LAMA2: variants seen among roughly 807,000 people sequenced by gnomAD.
LAMA2 encodes laminin subunit alpha 2.
LAMA2 carries 269 observed loss-of-function variants against 364.8 expected under a neutral mutation model. The observed-to-expected ratio is 0.74, with a 90% CI of 0.67 to 0.82. The LOEUF (loss-of-function observed/expected upper bound fraction) is 0.82, where lower values mean the gene tolerates loss of function less well. LAMA2 is among the 40% of genes least tolerant of loss of function. The probability of loss-of-function intolerance (pLI) is 0.00; values close to 1 mark genes in which losing one functional copy is unlikely to be tolerated. For synonymous variants in LAMA2, 1,379 were observed against 1,370.6 expected, an observed-to-expected ratio of 1.01 and a Z score of -0.14; for missense variants, 3,807 against 3,873.2, an observed-to-expected ratio of 0.98 and a Z score of 0.45.
intron 4 of LAMA2, among the ~76,000 whole-genome samples, chr6:129,135,014 G>T (rs182392597): frequency 6.6e-6 from 1 of 152,110 alleles, no homozygotes; most frequent in African/African-American, 2.4e-5. Context: ...CCTGGGCACC[G>T]TCGGATCCCA....
intron 1 of LAMA2, among the ~76,000 whole-genome samples, chr6:128,971,526 G>A (rs1001290775): frequency 1.3e-5 from 2 of 152,148 alleles, no homozygotes; most frequent in African/African-American, 4.8e-5. Context: ...GGGTTTGGAG[G>A]ATGCATTGGT....
chr6:129,322,650 G>T (rs1044250087), intron 28 of LAMA2, among the ~76,000 whole-genome samples: 3 of 152,112 alleles, frequency 2.0e-5, no homozygotes, highest in African/African-American at 4.8e-5. Flanking sequence ...AAGTAGTCAA[G>T]GTTGACCTTT....
At chr6:129,232,807 A>G (rs1222844677) in intron 12 of LAMA2, among the ~76,000 whole-genome samples, 1 of 152,198 alleles carries the variant, frequency 6.6e-6, no homozygotes, top group Non-Finnish European at 1.5e-5. Context: ...GAATCCAGTC[A>G]CATGAGACCT....
chr6:129,102,618 T>C (rs1372473055), intron 4 of LAMA2, among the ~76,000 whole-genome samples: 1 of 152,210 alleles, frequency 6.6e-6, no homozygotes, highest in Non-Finnish European at 1.5e-5. Flanking sequence ...TATGGCCTTT[T>C]TGGATATATT....
intron 33 of LAMA2, 122 bp downstream of exon 33, chr6:129,366,483 G>A (rs1777786542): frequency 9.3e-7 from 1 of 1,080,142 alleles, no homozygotes; most frequent in Admixed American, 2.0e-5. Flanking sequence ...CAACTGTTAG[G>A]GAAATTCAGA....
At chr6:129,213,492 C>T (rs1041575887) in intron 12 of LAMA2, among the ~76,000 whole-genome samples, 1 of 152,182 alleles carries the variant, frequency 6.6e-6, no homozygotes, top group Non-Finnish European at 1.5e-5. Flanking sequence ...GCATTCTCAC[C>T]AGCAATGAAC....
rs755515196 is a variant in LAMA2, at chr6:129,154,509, C to T, written c.1032C>T (p.Cys344=). ...ATTTATTTTTCCTTAATGCAGCATGCAATTGTCATGGAAAAGCTGAAGAAT... is the reference window on the plus strand; with the variant it reads ...ATTTATTTTTCCTTAATGCAGCATGTAATTGTCATGGAAAAGCTGAAGAAT... ...TFLTKTECEA[C]NCHGKAEECY... is the part of the protein sequence containing the mutation. The change falls in exon 8 of 65, where the codon TGC becomes TGT. Residue 344 remains cysteine (C), a synonymous_variant. Coordinates refer to ENST00000421865, the MANE Select transcript of LAMA2 (RefSeq NM_000426.4). The T allele has an allele frequency of 4.3e-6, 7 of 1,611,430 alleles. No individual in the cohort carries two copies. Among genetic ancestry groups the T allele is most frequent in the Non-Finnish European group, 5.9e-6 (7 of 1,177,670 alleles).
Position 129,252,077 on chromosome 6 carries a change from C to A in LAMA2, c.1885-7C>A. 1 of 1,602,610 alleles carries A rather than the reference C, an allele frequency of 6.2e-7. No homozygotes were observed. Among genetic ancestry groups the A allele is most frequent in the South Asian group, 1.1e-5 (1 of 90,820 alleles). On this transcript the variant is annotated splice_polypyrimidine_tract_variant and splice_region_variant and intron_variant, in intron 13 of 64. Coordinates refer to ENST00000421865, the MANE Select transcript of LAMA2 (RefSeq NM_000426.4). ...CTCTTTTTTATTTCTTTTTTTTCCC[C>A]CTTTAGGGTAATGACTTGAGCATCA...
At chr6:128,965,829 T>G (rs910379181) in intron 1 of LAMA2, among the ~76,000 whole-genome samples, 3 of 152,018 alleles carry the variant, frequency 2.0e-5, no homozygotes, top group African/African-American at 2.4e-5. Flanking sequence ...CTTTAAATCC[T>G]GCTTGAGTCA....
chr6:129,050,056 G>GA lies in LAMA2; in HGVS notation c.253dup (p.Ile85AsnfsTer20), dbSNP rs1248727589. 1 of 1,614,036 alleles carries GA rather than the reference G, an allele frequency of 6.2e-7. No individual in the cohort carries two copies. The highest frequency in any genetic ancestry group is 8.5e-7 in the Non-Finnish European group (1 of 1,180,036). The stretch of plus-strand genomic sequence containing the variant: ...CAGCCTGTGAGGAACCCGCAGTGTC[G>GA]AATCTGCAATCAAAACAGCAGCAAT... On this transcript the variant is annotated frameshift_variant, in exon 2 of 65. Coordinates refer to ENST00000421865, the MANE Select transcript of LAMA2 (RefSeq NM_000426.4). LOFTEE classifies it high-confidence loss of function.
chr6:129,264,776 A>G (rs1787387250), intron 15 of LAMA2, among the ~76,000 whole-genome samples: 1 of 152,172 alleles, frequency 6.6e-6, no homozygotes, highest in Non-Finnish European at 1.5e-5. Context: ...GTTGGATAAA[A>G]TGCAATTGCA....
At chr6:128,920,430 A>G (rs1778624648) in intron 1 of LAMA2, among the ~76,000 whole-genome samples, 1 of 152,070 alleles carries the variant, frequency 6.6e-6, no homozygotes, top group South Asian at 2.1e-4. Context: ...TGCTGGGATT[A>G]CAGGCGTGAG....
chr6:128,952,456 T>C (rs1209369999), intron 1 of LAMA2, among the ~76,000 whole-genome samples: 1 of 152,112 alleles, frequency 6.6e-6, no homozygotes, highest in Non-Finnish European at 1.5e-5. Flanking sequence ...TTTGGTAAGA[T>C]ATAATTTCAG....
At chr6:129,392,335 C>G (rs140856025) in intron 36 of LAMA2, among the ~76,000 whole-genome samples, 1 of 152,224 alleles carries the variant, frequency 6.6e-6, no homozygotes, top group Admixed American at 6.5e-5. Context: ...TATCAGCACA[C>G]CAGAGAACTT....
At chr6:128,947,792 G>T (rs965584768) in intron 1 of LAMA2, among the ~76,000 whole-genome samples, 1 of 152,074 alleles carries the variant, frequency 6.6e-6, no homozygotes, top group Non-Finnish European at 1.5e-5. Flanking sequence ...GGAGACGCAG[G>T]CCTGAGGACA....
chr6:129,052,135 CTT>C (rs34305119), intron 2 of LAMA2, among the ~76,000 whole-genome samples: 112 of 127,352 alleles, frequency 8.8e-4, no homozygotes, highest in African/African-American at 1.6e-3. Context: ...ATTTCTTCTC[CTT>C]TTTTTTTTTT....
chr6:129,286,426 G>A (rs1789129583), intron 18 of LAMA2, among the ~76,000 whole-genome samples: 2 of 149,664 alleles, frequency 1.3e-5, no homozygotes, highest in African/African-American at 2.5e-5. Context: ...CACACCTGTA[G>A]CAGTAAGTTG....
chr6:129,319,242 T>A (rs954357398), intron 27 of LAMA2, among the ~76,000 whole-genome samples: 5 of 152,144 alleles, frequency 3.3e-5, no homozygotes, highest in Non-Finnish European at 7.4e-5. Context: ...TAGTAGTAAA[T>A]TCAAAGCAAT....
intron 3 of LAMA2, among the ~76,000 whole-genome samples, chr6:129,092,869 T>G (rs1399246952): frequency 6.6e-6 from 1 of 152,218 alleles, no homozygotes; most frequent in Non-Finnish European, 1.5e-5. Context: ...TCCTATGGCC[T>G]TATTACATCA....
Sources: allele counts gnomAD v4.1 joint callset (sites outside exome capture counted in the v4.1 genomes callset), GRCh38; gene constraint gnomAD v4.1.1; transcripts MANE v1.5; gene names NCBI Gene and HGNC (gene_info 2026-07-23, HGNC 2026-07-21).